Variants in SPON1 observed in about 807,000 individuals in gnomAD.
The protein encoded by SPON1 is spondin-1.
Under a neutral mutation model 111.7 loss-of-function variants are expected in SPON1, and 52 were observed. The ratio of observed to expected loss-of-function variants is 0.47; its 90% CI spans 0.37 to 0.59. The LOEUF (loss-of-function observed/expected upper bound fraction) is 0.59. Among genes scored for constraint, SPON1 ranks in the 20% least tolerant of loss-of-function variants. The pLI is 0.00. For missense variants in SPON1, 957 were observed against 1,068.5 expected, an observed-to-expected ratio of 0.90 and a Z score of 1.46; for synonymous variants, 410 against 395.8, an observed-to-expected ratio of 1.04 and a Z score of -0.43.
At chr11:14,118,967 C>T (rs1554926243) in intron 5 of SPON1, among the ~76,000 whole-genome samples, 1 of 152,014 alleles carries the variant, frequency 6.6e-6, no homozygotes, top group Admixed American at 6.6e-5. Flanking sequence ...GGAACATGCT[C>T]AATAATAAAT....
rs1591418911 is a variant in SPON1, at chr11:14,228,745, C to T, written c.826-14587C>T. On this transcript the variant is annotated intron_variant, in intron 6 of 15. Transcript: ENST00000576479. This position sits in a 1 kb window ranked among gnomAD's most constrained non-coding sequence, Gnocchi z 4.2. ...CTCCTGAAGAGAGATCTGGACAGAG[C>T]GTCACATTGTCTTCCACACTAACGC... Among the ~76,000 whole-genome samples, 2 of 152,238 alleles carry T rather than the reference C, an allele frequency of 1.3e-5. No homozygotes were observed. The highest frequency in any genetic ancestry group is 6.5e-5 in the Admixed American group (1 of 15,292).
chr11:14,009,753 G>T (rs782275797), intron 2 of SPON1, among the ~76,000 whole-genome samples: 1 of 152,150 alleles, frequency 6.6e-6, no homozygotes, highest in Non-Finnish European at 1.5e-5. Context: ...TCTGGTAAGG[G>T]CCTGTTCCCC....
At chr11:14,109,616 A>G (rs1849212255) in intron 5 of SPON1, among the ~76,000 whole-genome samples, 1 of 152,118 alleles carries the variant, frequency 6.6e-6, no homozygotes, top group Non-Finnish European at 1.5e-5. Context: ...TTATGTTTCT[A>G]TGCCTTATGA....
chr11:14,148,085 C>A (rs1554929542), intron 6 of SPON1, among the ~76,000 whole-genome samples: 1 of 152,132 alleles, frequency 6.6e-6, no homozygotes, highest in East Asian at 1.9e-4. Context: ...AATTTATATA[C>A]ACAGATATAC....
intron 3 of SPON1, among the ~76,000 whole-genome samples, chr11:14,053,177 A>T (rs900494813): frequency 6.6e-6 from 1 of 152,230 alleles, no homozygotes; most frequent in Non-Finnish European, 1.5e-5. Context: ...CAACCATTTT[A>T]AAGTGATCAA....
intron 6 of SPON1, among the ~76,000 whole-genome samples, chr11:14,185,081 C>T (rs1251195566): frequency 6.6e-6 from 1 of 152,196 alleles, no homozygotes; most frequent in African/African-American, 2.4e-5. Flanking sequence ...CTTGTGCAAC[C>T]CTCTTAGCCA....
chr11:14,017,057 G>A (rs983421399), intron 2 of SPON1, among the ~76,000 whole-genome samples: 3 of 152,134 alleles, frequency 2.0e-5, no homozygotes. Flanking sequence ...CTGGTGTCAG[G>A]CCCATTTTCA....
chr11:14,070,954 A>G (rs771613746), intron 3 of SPON1, among the ~76,000 whole-genome samples: 40 of 152,326 alleles, frequency 2.6e-4, no homozygotes, highest in Non-Finnish European at 5.3e-4. Flanking sequence ...AAGTTTGAGA[A>G]GATAACATAC....
intron 5 of SPON1, among the ~76,000 whole-genome samples, chr11:14,101,395 A>G (rs1388215457): frequency 6.6e-6 from 1 of 152,056 alleles, no homozygotes; most frequent in Non-Finnish European, 1.5e-5. Flanking sequence ...GTAAGACTCC[A>G]TCTCAAAAAA....
Position 14,262,891 on chromosome 11 carries a change from A to G in SPON1, c.2176A>G (p.Ile726Val). The G allele has an allele frequency of 1.9e-6, 3 of 1,613,866 alleles. No individual in the cohort carries two copies. The highest frequency in any genetic ancestry group is 2.5e-6 in the Non-Finnish European group (3 of 1,179,880). The change falls in exon 15 of 16, where the codon ATC becomes GTC. Residue 726 changes from isoleucine (I) to valine (V), a missense_variant. By Grantham distance (29) the Ile-to-Val change is conservative. Transcript: ENST00000576479. ...CCGAAAATGCCTTCGAAATCCATCC[A>G]TCCAAAAGCTACGCTGGAGGGAGGC... ...RIRKCLRNPS[I>V]QKLRWREARE...
chr11:14,024,580 C>T (rs780796963), intron 2 of SPON1, among the ~76,000 whole-genome samples: 1 of 152,104 alleles, frequency 6.6e-6, no homozygotes, highest in Non-Finnish European at 1.5e-5. Context: ...CTGGTGTGGT[C>T]CTCTGCTCCT....
At chr11:14,174,594 A>G (rs539151929) in intron 6 of SPON1, among the ~76,000 whole-genome samples, 79 of 152,042 alleles carry the variant, frequency 5.2e-4, no homozygotes, top group African/African-American at 1.8e-3. Flanking sequence ...TGTTTTCCCA[A>G]TGAGTCCGAG....
chr11:13,986,133 A>G (rs1387831390), intron 2 of SPON1, among the ~76,000 whole-genome samples: 1 of 152,240 alleles, frequency 6.6e-6, no homozygotes, highest in Non-Finnish European at 1.5e-5. Context: ...AAACAGAGAT[A>G]GTCCTCATGA....
intron 7 of SPON1, among the ~76,000 whole-genome samples, chr11:14,244,853 C>G (rs115879693): frequency 0.019 from 2,861 of 152,304 alleles, 104 homozygotes; most frequent in African/African-American, 0.065. Flanking sequence ...GTTTAGCGTG[C>G]GCAGGTGGGC....
At chr11:14,243,245 G>A (rs1297003624) in intron 6 of SPON1, 87 bp from the exon 7 acceptor site, 2 of 1,250,026 alleles carry the variant, frequency 1.6e-6, no homozygotes, top group Non-Finnish European at 2.3e-6. Flanking sequence ...GTGAGGGAGT[G>A]GGGGTGAATG....
chr11:14,166,638 C>T (rs1554931887), intron 6 of SPON1, among the ~76,000 whole-genome samples: 1 of 152,104 alleles, frequency 6.6e-6, no homozygotes, highest in Non-Finnish European at 1.5e-5. Context: ...ACTATTAAAG[C>T]TACAATTGAC....
At chr11:14,077,740 C>T (rs1848929148) in intron 4 of SPON1, among the ~76,000 whole-genome samples, 1 of 151,818 alleles carries the variant, frequency 6.6e-6, no homozygotes, top group Non-Finnish European at 1.5e-5. Context: ...TCATCTCTGC[C>T]TCCTAAAGTG....
intron 5 of SPON1, among the ~76,000 whole-genome samples, chr11:14,098,697 AG>A (rs879981229): frequency 3.3e-5 from 5 of 151,802 alleles, no homozygotes; most frequent in Non-Finnish European, 5.9e-5. Flanking sequence ...AGAGAATAGG[AG>A]GGGAAGAGAG....
intron 2 of SPON1, among the ~76,000 whole-genome samples, chr11:13,986,137 C>T (rs544217835): frequency 2.6e-4 from 40 of 152,288 alleles, no homozygotes; most frequent in African/African-American, 8.9e-4. Flanking sequence ...AGAGATAGTC[C>T]TCATGAAGCC....
Sources: allele counts gnomAD v4.1 joint callset (sites outside exome capture counted in the v4.1 genomes callset), GRCh38; gene constraint gnomAD v4.1.1; non-coding constraint Gnocchi (gnomAD v3.1); transcripts MANE v1.5; gene names NCBI Gene and HGNC (gene_info 2026-07-23, HGNC 2026-07-21).